Variants in PPP2R2B observed in about 807,000 individuals in gnomAD.
PPP2R2B encodes serine/threonine-protein phosphatase 2A 55 kDa regulatory subunit B beta isoform.
A neutral mutation model predicts 46.0 loss-of-function variants in PPP2R2B; 5 were observed. The observed-to-expected ratio is 0.11, with a 90% CI of 0.06 to 0.23. The LOEUF (loss-of-function observed/expected upper bound fraction) is 0.23. PPP2R2B is among the 10% of genes least tolerant of loss of function. The pLI is 1.00. For missense variants in PPP2R2B, 367 were observed against 575.0 expected (o/e 0.64, Z 3.70); for synonymous variants, 215 against 206.7 (o/e 1.04, Z -0.34).
At chr5:146,819,127 C>G (rs555725384) in intron 2 of PPP2R2B, among the ~76,000 whole-genome samples, 83 of 152,312 alleles carry the variant, frequency 5.4e-4, no homozygotes, top group African/African-American at 1.8e-3. Flanking sequence ...CTTGCTCAGG[C>G]CTTGCTCTGA....
intron 2 of PPP2R2B, among the ~76,000 whole-genome samples, chr5:146,772,431 T>C (rs899746275): frequency 8.0e-5 from 9 of 111,998 alleles, no homozygotes; most frequent in South Asian, 2.9e-4. Flanking sequence ...TATATATATA[T>C]ACTTATTTCT....
chr5:146,988,149 T>C (rs1008418851), intron 1 of PPP2R2B, among the ~76,000 whole-genome samples: 28 of 151,828 alleles, frequency 1.8e-4, no homozygotes, highest in African/African-American at 6.5e-4. Context: ...AAGGAAGAAA[T>C]TGACTGCAAT....
At chr5:146,844,306 A>G (rs1179142680) in intron 2 of PPP2R2B, among the ~76,000 whole-genome samples, 7 of 151,216 alleles carry the variant, frequency 4.6e-5, no homozygotes, top group Non-Finnish European at 8.8e-5. Flanking sequence ...ATACATATGT[A>G]ACTAACCTGC....
intron 1 of PPP2R2B, among the ~76,000 whole-genome samples, chr5:147,042,157 T>G (rs1468700178): frequency 3.3e-5 from 5 of 152,166 alleles, no homozygotes; most frequent in Non-Finnish European, 1.5e-5. Context: ...ACTGTTTACT[T>G]TCCTGTAACC....
intron 2 of PPP2R2B, among the ~76,000 whole-genome samples, chr5:146,764,364 G>A (rs1304069734): frequency 6.6e-6 from 1 of 152,172 alleles, no homozygotes; most frequent in African/African-American, 2.4e-5. Flanking sequence ...CTTTAGGGTG[G>A]AATGAAAGTT....
chr5:146,878,878 T>G, upstream of PPP2R2B: 1 of 1,164,430 alleles, frequency 8.6e-7, no homozygotes, highest in Non-Finnish European at 1.1e-6. The surrounding 1 kb of genome is among the most constrained non-coding windows in gnomAD (Gnocchi z 4.5). Context: ...TGCTCTTTGC[T>G]GCAGTGGGGC....
chr5:146,902,923 A>AGGTC (rs1384195887), intron 1 of PPP2R2B, among the ~76,000 whole-genome samples: 1 of 152,208 alleles, frequency 6.6e-6, no homozygotes, highest in Non-Finnish European at 1.5e-5. Context: ...TTGCTTTAGG[A>AGGTC]GGTCCATAGA....
chr5:146,868,743 T>G (rs568740477), intron 2 of PPP2R2B, among the ~76,000 whole-genome samples: 1 of 152,206 alleles, frequency 6.6e-6, no homozygotes, highest in African/African-American at 2.4e-5. Context: ...CAGAAGAATA[T>G]TTTTTAGAAA....
At chr5:146,869,824 G>C (rs905924611) in intron 2 of PPP2R2B, among the ~76,000 whole-genome samples, 1 of 152,160 alleles carries the variant, frequency 6.6e-6, no homozygotes, top group African/African-American at 2.4e-5. Context: ...CAGTTGGCAT[G>C]AACCAACAGA....
intron 2 of PPP2R2B, chr5:146,706,536 T>C (rs1779866116): frequency 8.7e-7 from 1 of 1,144,244 alleles, no homozygotes; most frequent in Admixed American, 1.7e-5. Context: ...CATGTCCTAC[T>C]TGGTCTGCTG....
At chr5:147,029,518 C>T (rs1289126636) in intron 1 of PPP2R2B, among the ~76,000 whole-genome samples, 2 of 152,104 alleles carry the variant, frequency 1.3e-5, no homozygotes, top group Non-Finnish European at 2.9e-5. Context: ...TACCCAATAT[C>T]TTAATTATTG....
intron 2 of PPP2R2B, among the ~76,000 whole-genome samples, 160 bp downstream of exon 2, chr5:146,877,842 G>C (rs1239032151): frequency 2.0e-5 from 3 of 152,320 alleles, no homozygotes; most frequent in Admixed American, 2.0e-4. Flanking sequence ...AGCCCGGATG[G>C]ATGCGAGGTG....
chr5:147,016,155 G>A (rs1375456047), intron 1 of PPP2R2B, among the ~76,000 whole-genome samples: 6 of 151,468 alleles, frequency 4.0e-5, no homozygotes, highest in Non-Finnish European at 8.8e-5. Flanking sequence ...GGGAAACATG[G>A]CAAGATCCAT....
chr5:146,878,595 C>A lies in PPP2R2B; in HGVS notation c.-129G>T, dbSNP rs1382810793. On this transcript the variant is annotated 5_prime_UTR_variant, in exon 1 of 10. Coordinates refer to ENST00000394411, the MANE Select transcript of PPP2R2B (RefSeq NM_181675.4). The surrounding 1 kb of genome is among the most constrained non-coding windows in gnomAD (Gnocchi z 4.5). Reference sequence around the variant, plus strand: ...AGGGACAGGATTCAGGCTTGCCTGGCCGGAATGAGGGTGCTGGTCCCACGG... The same window carrying A: ...AGGGACAGGATTCAGGCTTGCCTGGACGGAATGAGGGTGCTGGTCCCACGG... The A allele has an allele frequency of 1.2e-5, 15 of 1,233,370 alleles. No individual in the cohort carries two copies. The highest frequency in any genetic ancestry group is 3.3e-5 in the Admixed American group (1 of 30,424). 76.4% of individuals were successfully genotyped at this position (1,233,370 alleles called of 1,614,324 possible).
At chr5:147,076,841 T>G (rs1388677075) in intron 2 of PPP2R2B, among the ~76,000 whole-genome samples, 2 of 152,004 alleles carry the variant, frequency 1.3e-5, no homozygotes, top group Non-Finnish European at 2.9e-5. Flanking sequence ...TTTACAACCC[T>G]CTCACTTTCT....
chr5:146,904,407 A>G (rs752656641), intron 1 of PPP2R2B, among the ~76,000 whole-genome samples: 2 of 152,204 alleles, frequency 1.3e-5, no homozygotes, highest in East Asian at 1.9e-4. Flanking sequence ...TAGTCTAGAG[A>G]TTAAATATCT....
intron 1 of PPP2R2B, among the ~76,000 whole-genome samples, chr5:146,948,162 A>G (rs1038585373): frequency 6.6e-6 from 1 of 152,022 alleles, no homozygotes; most frequent in African/African-American, 2.4e-5. Context: ...CTCTCCCATG[A>G]GGCTTTAAGA....
At chr5:146,962,389 T>C (rs1301547235) in intron 1 of PPP2R2B, among the ~76,000 whole-genome samples, 1 of 151,916 alleles carries the variant, frequency 6.6e-6, no homozygotes, top group Non-Finnish European at 1.5e-5. Context: ...CTGGGTGTGG[T>C]GGCTCATGCC....
At chr5:146,953,244 C>G (rs919281592) in intron 1 of PPP2R2B, among the ~76,000 whole-genome samples, 3 of 152,190 alleles carry the variant, frequency 2.0e-5, no homozygotes, top group Non-Finnish European at 4.4e-5. Context: ...ATTTGCTCGA[C>G]CTGTAGCTGT....
Sources: allele counts gnomAD v4.1 joint callset (sites outside exome capture counted in the v4.1 genomes callset), GRCh38; gene constraint gnomAD v4.1.1; non-coding constraint Gnocchi (gnomAD v3.1); transcripts MANE v1.5; gene names NCBI Gene and HGNC (gene_info 2026-07-23, HGNC 2026-07-21).